SLC2A9: variants seen among roughly 807,000 people sequenced by gnomAD.
The protein encoded by SLC2A9 is solute carrier family 2 member 9, also known as solute carrier family 2, facilitated glucose transporter member 9.
SLC2A9 carries 39 observed loss-of-function variants against 50.6 expected under a neutral mutation model. That is an observed-to-expected ratio of 0.77 (90% CI 0.60 to 1.01). The LOEUF is 1.01. Among genes scored for constraint, SLC2A9 ranks in the 50% least tolerant of loss-of-function variants. The pLI is 0.00. For missense variants in SLC2A9, 686 were observed against 677.6 expected (o/e 1.01, Z -0.14); for synonymous variants, 324 against 276.9 (o/e 1.17, Z -1.69).
chr4:9,896,140 GA>G (rs1738519226), intron 8 of SLC2A9, among the ~76,000 whole-genome samples: 1 of 152,240 alleles, frequency 6.6e-6, no homozygotes, highest in East Asian at 1.9e-4. Flanking sequence ...TGGAATGACT[GA>G]GTTGGATGGG....
At chr4:9,914,797 T>C (rs1421835358) in intron 7 of SLC2A9, among the ~76,000 whole-genome samples, 1 of 152,124 alleles carries the variant, frequency 6.6e-6, no homozygotes, top group Admixed American at 6.5e-5. Context: ...ACAGCATATC[T>C]AGATGCCCAA....
intron 10 of SLC2A9, chr4:9,880,272 T>C: frequency 2.0e-6 from 2 of 985,510 alleles, no homozygotes; most frequent in Non-Finnish European, 2.4e-6. Flanking sequence ...GTCCATCTTG[T>C]GGCTAAAGTC....
chr4:10,010,884 T>C (rs1343554042), intron 2 of SLC2A9, among the ~76,000 whole-genome samples: 3 of 152,248 alleles, frequency 2.0e-5, no homozygotes, highest in Non-Finnish European at 2.9e-5. Context: ...ACTTTGGTCC[T>C]TTTTTCTTGG....
intron 8 of SLC2A9, among the ~76,000 whole-genome samples, chr4:9,891,970 A>G (rs570219920): frequency 6.6e-6 from 1 of 152,342 alleles, no homozygotes; most frequent in Non-Finnish European, 1.5e-5. Flanking sequence ...TGAGACGAAC[A>G]GTTGCAATCC....
chr4:9,781,295 C>A (rs1445440349), intron 3 of SLC2A9, among the ~76,000 whole-genome samples: 2 of 152,204 alleles, frequency 1.3e-5, no homozygotes, highest in Non-Finnish European at 2.9e-5. Context: ...TGTGGGTAAT[C>A]CAAGGCTGCC....
rs376394012 is a variant in SLC2A9, at chr4:9,995,474, G to A, written c.410+1307C>T. Among the ~76,000 whole-genome samples the A allele has an allele frequency of 7.9e-5, 12 of 152,302 alleles. No homozygotes were observed. The East Asian group carries it at 1.4e-3, about 17-fold the overall frequency. ...TTTCTCCTTGTTGGGCTGTGAGGAA[G>A]AATGTAAAGGATTCGGTCATTTCAG... On this transcript the variant is annotated intron_variant, in intron 3 of 11. Coordinates refer to ENST00000264784, the MANE Select transcript of SLC2A9 (RefSeq NM_020041.3).
At chr4:9,951,473 T>C (rs10006833) in intron 5 of SLC2A9, among the ~76,000 whole-genome samples, 28,689 of 152,048 alleles carry the variant, frequency 0.19, 2,872 homozygotes, top group Non-Finnish European at 0.21. Context: ...CCTTAAATAT[T>C]CTGACTCAAT....
intron 10 of SLC2A9, among the ~76,000 whole-genome samples, chr4:9,886,471 T>C (rs924418041): frequency 3.1e-5 from 4 of 127,764 alleles, no homozygotes; most frequent in African/African-American, 9.0e-5. Context: ...TGTGTGTGTG[T>C]GTGCTGTGTG....
At chr4:10,032,774 C>T (rs1030411852) in intron 1 of SLC2A9, among the ~76,000 whole-genome samples, 3 of 152,090 alleles carry the variant, frequency 2.0e-5, no homozygotes, top group African/African-American at 4.8e-5. Flanking sequence ...GGACAGGTGA[C>T]GTTTATCCTC....
upstream of SLC2A9, among the ~76,000 whole-genome samples, chr4:10,022,953 C>T (rs1029432487): frequency 1.3e-5 from 2 of 152,162 alleles, no homozygotes; most frequent in African/African-American, 2.4e-5. Context: ...AGGCATGCCC[C>T]GGGAGAAGTG....
intron 3 of SLC2A9, among the ~76,000 whole-genome samples, chr4:9,791,809 T>A (rs965350118): frequency 6.6e-6 from 1 of 152,174 alleles, no homozygotes; most frequent in Non-Finnish European, 1.5e-5. Flanking sequence ...TTTGGGAGAC[T>A]GTGAGCCAGA....
At chr4:9,823,975 T>A (rs1349568008), downstream of SLC2A9, among the ~76,000 whole-genome samples, 1 of 152,170 alleles carries the variant, frequency 6.6e-6, no homozygotes, top group Admixed American at 6.5e-5. Flanking sequence ...TTTCAAAAAT[T>A]TCCTTAATGT....
At chr4:9,829,698 C>T (rs549179050) in intron 11 of SLC2A9, among the ~76,000 whole-genome samples, 21 of 151,986 alleles carry the variant, frequency 1.4e-4, no homozygotes, top group African/African-American at 4.8e-4. Flanking sequence ...AAAAAGTGGG[C>T]AAAGGACACA....
chr4:9,952,063 A>G (rs1750388030), intron 5 of SLC2A9, among the ~76,000 whole-genome samples: 1 of 152,178 alleles, frequency 6.6e-6, no homozygotes, highest in Non-Finnish European at 1.5e-5. Flanking sequence ...TGGGTCCTGA[A>G]CCCTGGTCCT....
intron 10 of SLC2A9, among the ~76,000 whole-genome samples, chr4:9,845,070 G>A: frequency 6.6e-6 from 1 of 151,988 alleles, no homozygotes; most frequent in East Asian, 1.9e-4. Flanking sequence ...CTGGAGTGCA[G>A]TGGCGCAATC....
chr4:9,779,196 C>T (rs895703857), downstream of SLC2A9, among the ~76,000 whole-genome samples: 7 of 151,958 alleles, frequency 4.6e-5, no homozygotes, highest in African/African-American at 1.7e-4. Flanking sequence ...GCCTGCCATA[C>T]TTCCCTTCCC....
intron 3 of SLC2A9, among the ~76,000 whole-genome samples, chr4:9,800,542 C>T (rs1188736680): frequency 2.6e-5 from 4 of 152,204 alleles, no homozygotes; most frequent in Non-Finnish European, 2.9e-5. Flanking sequence ...TCTCGGACAT[C>T]TATCCTCCAG....
chr4:9,874,407 C>T lies in SLC2A9; in HGVS notation c.1291+13160G>A, dbSNP rs1221070695. Among the ~76,000 whole-genome samples, 5 of 152,192 alleles carry T rather than the reference C, an allele frequency of 3.3e-5. No homozygotes were observed. The East Asian group carries it at 9.6e-4, about 29-fold the overall frequency. On this transcript the variant is annotated intron_variant, in intron 10 of 11. Coordinates refer to ENST00000264784, the MANE Select transcript of SLC2A9 (RefSeq NM_020041.3). ...AGCCCTGCAGATGCACATGTGTACC[C>T]CCACAGCTGTCTGCTTACCCCACCC...
At chr4:9,837,823 C>T (rs1401442) in intron 10 of SLC2A9, among the ~76,000 whole-genome samples, 142,020 of 152,260 alleles carry the variant, frequency 0.93, 66,526 homozygotes, top group Non-Finnish European at 0.96. Flanking sequence ...CACAGCTCCA[C>T]TGTACACAGG....
Sources: gnomAD v4.1 joint callset for allele counts (sites outside exome capture counted in the v4.1 genomes callset) on GRCh38, gnomAD v4.1.1 for gene constraint, MANE v1.5 for transcripts, NCBI Gene and HGNC (gene_info 2026-07-23, HGNC 2026-07-21) for gene names.